Variants in R3HDM1 observed in about 807,000 individuals in gnomAD.
R3HDM1 encodes R3H domain containing 1.
R3HDM1 carries 46 observed loss-of-function variants against 141.1 expected under a neutral mutation model. The observed-to-expected ratio is 0.33, with a 90% confidence interval of 0.26 to 0.42. R3HDM1 has a LOEUF of 0.42. R3HDM1 is among the 10% of genes least tolerant of loss of function. The probability of loss-of-function intolerance (pLI) is 1.00; values close to 1 mark genes in which losing one functional copy is unlikely to be tolerated. For missense variants in R3HDM1, 1,184 were observed against 1,368.3 expected, an observed-to-expected ratio of 0.87 and a Z score of 2.12; for synonymous variants, 435 against 472.9, an observed-to-expected ratio of 0.92 and a Z score of 1.04.
intron 21 of R3HDM1, among the ~76,000 whole-genome samples, chr2:135,699,020 TAGATAGATAGATAGATAGATAGATAAGA>T (rs1481689167): frequency 1.7e-5 from 2 of 118,916 alleles, no homozygotes; most frequent in Admixed American, 8.0e-5. Context: ...GATAGATAGA[TAGATAGATAGATAGATAGATAGATAAGA>T]TAGATAAGAT....
At chr2:135,686,939 CTGTAA>C (rs1196878263) in intron 21 of R3HDM1, among the ~76,000 whole-genome samples, 1 of 152,196 alleles carries the variant, frequency 6.6e-6, no homozygotes, top group Non-Finnish European at 1.5e-5. Flanking sequence ...TGGCTCATAC[CTGTAA>C]TCCCAGCACT....
Position 135,604,815 on chromosome 2 carries a change from T to A in R3HDM1, c.-31T>A. Reference sequence around the variant, plus strand: ...ATTTTTTTTTCTTAAGGCTTCAAGCTCCCTGTAGAATTCGAAAATAACCTT... The same window carrying A: ...ATTTTTTTTTCTTAAGGCTTCAAGCACCCTGTAGAATTCGAAAATAACCTT... On this transcript the variant is annotated 5_prime_UTR_variant, in exon 3 of 27. Transcript: ENST00000683871. 4 of 1,605,918 alleles carry A rather than the reference T, an allele frequency of 2.5e-6. No homozygotes were observed. Among genetic ancestry groups the A allele is most frequent in the Non-Finnish European group, 3.4e-6 (4 of 1,174,872 alleles).
At chr2:135,598,268 A>T (rs1163156582) in intron 1 of R3HDM1, among the ~76,000 whole-genome samples, 1 of 152,202 alleles carries the variant, frequency 6.6e-6, no homozygotes. Context: ...AGAGAAAGAA[A>T]CAAAATGGTT....
intron 19 of R3HDM1, among the ~76,000 whole-genome samples, chr2:135,671,103 T>G (rs1458332180): frequency 6.6e-6 from 1 of 150,778 alleles, no homozygotes; most frequent in African/African-American, 2.4e-5. Context: ...AATATTCAAA[T>G]AATACCTTCA....
At position 135,600,103 on chromosome 2, in the gene R3HDM1, A is replaced by ATTTT. The variant is rs1047714227; in HGVS notation, c.-249-2375_-249-2372dup. Among the ~76,000 whole-genome samples the ATTTT allele has an allele frequency of 8.6e-3, 802 of 93,538 alleles. 2 individuals are homozygous for ATTTT. Among genetic ancestry groups the ATTTT allele is most frequent in the Non-Finnish European group, 9.5e-3 (497 of 52,490 alleles). 61.4% of individuals were successfully genotyped at this position (93,538 alleles called of 152,430 possible). A position where few individuals can be genotyped will look rare whatever the true frequency, so the allele number is the denominator to read the frequency against. On this transcript the variant is annotated intron_variant, in intron 1 of 26. Coordinates refer to ENST00000683871, the MANE Select transcript of R3HDM1 (RefSeq NM_001378107.1). ...TGGAGAAGAATACAAAGTTCGTATG[A>ATTTT]TTTTTTTTTTTTTTTTTTTTTTTTT...
intron 14 of R3HDM1, 113 bp from the exon 15 acceptor site, chr2:135,641,423 G>T: frequency 8.1e-7 from 1 of 1,230,760 alleles, no homozygotes; most frequent in Non-Finnish European, 1.1e-6. Context: ...AAGAGCCAAT[G>T]CTTTTATGTA....
At chr2:135,559,917 G>T (rs887846771) in intron 1 of R3HDM1, among the ~76,000 whole-genome samples, 2 of 152,016 alleles carry the variant, frequency 1.3e-5, no homozygotes, top group Non-Finnish European at 2.9e-5. Context: ...TATGCTATGC[G>T]CAGTAGATAG....
rs2061623556 is a variant in R3HDM1 at position 135,622,640 on chromosome 2, T to G, written c.419-14T>G. On this transcript the variant is annotated splice_polypyrimidine_tract_variant and intron_variant, in intron 6 of 26. Coordinates refer to ENST00000683871, the MANE Select transcript of R3HDM1 (RefSeq NM_001378107.1). ...AACAACTTTATACTGGGTTTTTGTG[T>G]TGTTGTTTTTTAGATTCCAGTCAAG... 6.3e-7 allele frequency: 1 copy of G among 1,588,100 alleles called. No individual in the cohort carries two copies. Among genetic ancestry groups the G allele is most frequent in the Non-Finnish European group, 8.6e-7 (1 of 1,166,898 alleles).
intron 21 of R3HDM1, among the ~76,000 whole-genome samples, chr2:135,694,655 A>G (rs1370104357): frequency 6.6e-6 from 1 of 152,208 alleles, no homozygotes; most frequent in African/African-American, 2.4e-5. Flanking sequence ...TCCCAGACAC[A>G]GCTCAGGGAG....
intron 21 of R3HDM1, among the ~76,000 whole-genome samples, chr2:135,690,064 A>G (rs2072080617): frequency 6.6e-6 from 1 of 152,134 alleles, no homozygotes; most frequent in South Asian, 2.1e-4. Context: ...CAGAATCTTT[A>G]TGAAATTATG....
intron 1 of R3HDM1, among the ~76,000 whole-genome samples, chr2:135,588,197 C>T (rs2105052280): frequency 6.6e-6 from 1 of 152,018 alleles, no homozygotes; most frequent in Middle Eastern, 3.4e-3. Flanking sequence ...CTTCCTGTCC[C>T]TATCTGTTAG....
intron 21 of R3HDM1, among the ~76,000 whole-genome samples, chr2:135,707,717 C>A (rs918923629): frequency 1.3e-5 from 2 of 152,186 alleles, no homozygotes; most frequent in African/African-American, 4.8e-5. Flanking sequence ...CCTCTGGGGA[C>A]CTTTCTGTTT....
intron 1 of R3HDM1, among the ~76,000 whole-genome samples, chr2:135,548,870 G>A (rs899993733): frequency 6.6e-6 from 1 of 152,086 alleles, no homozygotes; most frequent in Admixed American, 6.6e-5. Flanking sequence ...CTTCGAATAA[G>A]AAATACCTGC....
At chr2:135,697,484 G>T (rs1170402787) in intron 21 of R3HDM1, among the ~76,000 whole-genome samples, 1 of 152,156 alleles carries the variant, frequency 6.6e-6, no homozygotes, top group Non-Finnish European at 1.5e-5. Flanking sequence ...ACAATGTTTA[G>T]CCTAATACTG....
intron 16 of R3HDM1, chr2:135,649,385 G>A (rs982855466): frequency 1.3e-5 from 2 of 152,098 alleles, no homozygotes; most frequent in African/African-American, 2.4e-5. Context: ...CTAAAAGTTA[G>A]GGGCTTTGGT....
intron 1 of R3HDM1, among the ~76,000 whole-genome samples, chr2:135,598,170 CATT>C (rs754974947): frequency 2.0e-5 from 3 of 152,162 alleles, no homozygotes; most frequent in Non-Finnish European, 2.9e-5. Context: ...ACTGCCTTCT[CATT>C]GTTCCTTAGC....
At chr2:135,656,680 G>A (rs2065934927) in intron 18 of R3HDM1, 2 of 152,240 alleles carry the variant, frequency 1.3e-5, no homozygotes, top group East Asian at 3.9e-4. Flanking sequence ...GTAAAATGTA[G>A]CAGCCTTATA....
chr2:135,565,569 C>T (rs1222239771), intron 1 of R3HDM1, among the ~76,000 whole-genome samples: 4 of 151,908 alleles, frequency 2.6e-5, no homozygotes, highest in Non-Finnish European at 4.4e-5. Flanking sequence ...CGTTTCTTTG[C>T]GTTGGACTAC....
intron 24 of R3HDM1, among the ~76,000 whole-genome samples, chr2:135,720,624 G>A (rs1241520160): frequency 6.6e-6 from 1 of 152,074 alleles, no homozygotes; most frequent in Non-Finnish European, 1.5e-5. Context: ...ATTTAGGAAG[G>A]GAATACTTAC....
Sources: allele counts gnomAD v4.1 joint callset (sites outside exome capture counted in the v4.1 genomes callset), GRCh38; gene constraint gnomAD v4.1.1; transcripts MANE v1.5; gene names NCBI Gene and HGNC (gene_info 2026-07-23, HGNC 2026-07-21).